The following ZMYM2 variants were observed in gnomAD, a reference collection of about 807,000 sequenced individuals.
ZMYM2 encodes the protein zinc finger MYM-type containing 2.
In ZMYM2, 56 loss-of-function variants were observed where a neutral mutation model predicts 162.8. That is an observed-to-expected ratio of 0.34 (90% CI 0.28 to 0.43). The LOEUF (loss-of-function observed/expected upper bound fraction) is 0.43. ZMYM2 is among the 20% of genes least tolerant of loss of function. The probability of loss-of-function intolerance (pLI) is 1.00; values close to 1 mark genes in which losing one functional copy is unlikely to be tolerated. For missense variants in ZMYM2, 1,275 were observed against 1,621.8 expected (o/e 0.79, Z 3.67); for synonymous variants, 510 against 541.6 (o/e 0.94, Z 0.81).
chr13:19,970,012 G>T, intron 2 of ZMYM2: 2 of 984,818 alleles, frequency 2.0e-6, no homozygotes, highest in Non-Finnish European at 2.4e-6. Flanking sequence ...TGCAAGTATT[G>T]TTGTTTCTTT....
intron 21 of ZMYM2, among the ~76,000 whole-genome samples, chr13:20,071,504 C>T (rs999221091): frequency 6.6e-6 from 1 of 152,222 alleles, no homozygotes; most frequent in East Asian, 1.9e-4. Flanking sequence ...TATTGGTTGC[C>T]CCTTATCTGG....
chr13:19,950,388 T>C, the ZMYM2 span, among the ~76,000 whole-genome samples: 1 of 152,204 alleles, frequency 6.6e-6, no homozygotes, highest in Non-Finnish European at 1.5e-5. Flanking sequence ...TTACATATTT[T>C]AAGTTTGGCC....
intron 11 of ZMYM2, 140 bp downstream of exon 11, chr13:20,034,544 C>G (rs962889078): frequency 1.3e-6 from 1 of 751,824 alleles, no homozygotes; most frequent in Non-Finnish European, 1.9e-6. Flanking sequence ...TGACTTGTTT[C>G]GTTATTTTAT....
the ZMYM2 span, among the ~76,000 whole-genome samples, chr13:19,918,248 C>A: frequency 9.9e-4 from 150 of 151,934 alleles, no homozygotes; most frequent in African/African-American, 3.6e-3. Context: ...AGTTCGAGAC[C>A]AGCCGGGCCA....
At chr13:20,072,595 T>A (rs1957168382) in intron 21 of ZMYM2, among the ~76,000 whole-genome samples, 1 of 152,194 alleles carries the variant, frequency 6.6e-6, no homozygotes, top group Admixed American at 6.5e-5. Context: ...TCTGAAAGAA[T>A]TTGTGAGAAT....
At chr13:20,001,947 GA>G (rs912608855) in intron 3 of ZMYM2, among the ~76,000 whole-genome samples, 5 of 152,084 alleles carry the variant, frequency 3.3e-5, no homozygotes, top group African/African-American at 1.2e-4. Context: ...CATTTTTTGT[GA>G]AACCAAAAAA....
upstream of ZMYM2, among the ~76,000 whole-genome samples, chr13:19,957,913 G>A (rs569618991): frequency 6.6e-6 from 1 of 152,318 alleles, no homozygotes; most frequent in Non-Finnish European, 1.5e-5. Flanking sequence ...GGACGCAGAC[G>A]CCAGCAGCCG....
At chr13:20,038,699 T>C (rs530371035) in intron 12 of ZMYM2, among the ~76,000 whole-genome samples, 2 of 152,282 alleles carry the variant, frequency 1.3e-5, no homozygotes, top group East Asian at 3.9e-4. Flanking sequence ...TGAAGTCAGG[T>C]GGCATGATTC....
At chr13:19,871,133 AATAGAC>A in the ZMYM2 span, among the ~76,000 whole-genome samples, 1 of 152,196 alleles carries the variant, frequency 6.6e-6, no homozygotes, top group East Asian at 1.9e-4. Flanking sequence ...AACGAATATG[AATAGAC>A]ATTATGCTTG....
At chr13:20,075,438 T>C (rs148131125) in intron 21 of ZMYM2, among the ~76,000 whole-genome samples, 4 of 152,276 alleles carry the variant, frequency 2.6e-5, no homozygotes, top group African/African-American at 9.6e-5. Flanking sequence ...GTTTGTTTGT[T>C]TTTCTTACTC....
chr13:20,084,695 T>A (rs184568076), intron 24 of ZMYM2, among the ~76,000 whole-genome samples: 4 of 152,334 alleles, frequency 2.6e-5, no homozygotes, highest in African/African-American at 9.6e-5. Context: ...ACAGGCATTT[T>A]AAAAAGTTTA....
the ZMYM2 span, among the ~76,000 whole-genome samples, chr13:19,917,631 A>G: frequency 6.6e-6 from 1 of 151,958 alleles, no homozygotes; most frequent in African/African-American, 2.4e-5. Context: ...AGTTATCACA[A>G]AGTGATTGCT....
At chr13:19,960,782 A>G (rs1313783078) in intron 2 of ZMYM2, among the ~76,000 whole-genome samples, 1 of 152,244 alleles carries the variant, frequency 6.6e-6, no homozygotes, top group Non-Finnish European at 1.5e-5. Flanking sequence ...CCTTCAGGCA[A>G]TTGAAACTAA....
intron 2 of ZMYM2, among the ~76,000 whole-genome samples, chr13:19,989,521 C>A (rs892674646): frequency 6.6e-6 from 1 of 152,150 alleles, no homozygotes; most frequent in Non-Finnish European, 1.5e-5. Context: ...CCAGACTGGT[C>A]TCTAACTCCG....
At chr13:19,938,497 CAATA>C in the ZMYM2 span, among the ~76,000 whole-genome samples, 1 of 152,100 alleles carries the variant, frequency 6.6e-6, no homozygotes, top group Non-Finnish European at 1.5e-5. Context: ...GACTCCATTT[CAATA>C]AATAAATAAG....
chr13:19,882,943 C>G, the ZMYM2 span, among the ~76,000 whole-genome samples: 2 of 152,036 alleles, frequency 1.3e-5, no homozygotes, highest in Admixed American at 1.3e-4. Context: ...CAAATAAATA[C>G]TTATACATCA....
intron 23 of ZMYM2, among the ~76,000 whole-genome samples, 176 bp from the exon 24 acceptor site, chr13:20,083,480 A>G (rs558241509): frequency 2.2e-4 from 34 of 152,240 alleles, no homozygotes; most frequent in Non-Finnish European, 4.3e-4. Flanking sequence ...AAGACAACCT[A>G]TGTCTTAAGA....
intron 21 of ZMYM2, among the ~76,000 whole-genome samples, chr13:20,072,743 A>G (rs1308127687): frequency 6.6e-6 from 1 of 151,742 alleles, no homozygotes; most frequent in Non-Finnish European, 1.5e-5. Flanking sequence ...GTTGATATCA[A>G]CTGTTTAGAT....
At chr13:20,005,810 C>T (rs1454853965) in intron 5 of ZMYM2, among the ~76,000 whole-genome samples, 2 of 152,224 alleles carry the variant, frequency 1.3e-5, no homozygotes, top group Non-Finnish European at 2.9e-5. Flanking sequence ...ATCACCACTA[C>T]CCAAACTTGG....
Sources: allele counts gnomAD v4.1 joint callset (sites outside exome capture counted in the v4.1 genomes callset), GRCh38; gene constraint gnomAD v4.1.1; transcripts MANE v1.5; gene names NCBI Gene and HGNC (gene_info 2026-07-23, HGNC 2026-07-21).